NTN1: variants seen among roughly 807,000 people sequenced by gnomAD.
NTN1 encodes the protein netrin 1, also known as netrin-1.
NTN1 carries 11 observed loss-of-function variants against 54.2 expected under a neutral mutation model. The observed-to-expected ratio is 0.20, with a 90% CI of 0.13 to 0.34. The LOEUF is 0.34. Ranked by LOEUF, NTN1 falls within the 10% of genes least tolerant of loss-of-function variation. NTN1 has a pLI of 1.00. For missense variants in NTN1, 740 were observed against 893.1 expected (o/e 0.83, Z 2.18); for synonymous variants, 371 against 382.0 (o/e 0.97, Z 0.33).
intron 6 of NTN1, among the ~76,000 whole-genome samples, chr17:9,225,595 TGTGTAAGGGG>T (rs1905508305): frequency 6.6e-6 from 1 of 151,894 alleles, no homozygotes; most frequent in African/African-American, 2.4e-5. Context: ...CCTGAGAAGG[TGTGTAAGGGG>T]GTGTCCCTCC....
At chr17:9,061,034 A>G (rs1205951949) in intron 2 of NTN1, among the ~76,000 whole-genome samples, 6 of 152,066 alleles carry the variant, frequency 3.9e-5, no homozygotes, top group Non-Finnish European at 7.4e-5. Context: ...TTTAAAAAGC[A>G]TGAAGTTGAA....
chr17:9,034,333 T>C (rs1597464514), intron 2 of NTN1, among the ~76,000 whole-genome samples: 1 of 152,174 alleles, frequency 6.6e-6, no homozygotes, highest in Non-Finnish European at 1.5e-5. Flanking sequence ...TAGCCTTTAT[T>C]ATCACCATGT....
At chr17:9,180,123 C>T (rs2092414356) in intron 4 of NTN1, among the ~76,000 whole-genome samples, 167 bp downstream of exon 4, 1 of 152,268 alleles carries the variant, frequency 6.6e-6, no homozygotes, top group Non-Finnish European at 1.5e-5. Flanking sequence ...ACTGCAACCT[C>T]TGCCTCCCAG....
At chr17:9,143,310 A>G (rs1394282723) in intron 2 of NTN1, among the ~76,000 whole-genome samples, 6 of 152,216 alleles carry the variant, frequency 3.9e-5, no homozygotes, top group Non-Finnish European at 7.3e-5. Context: ...GCTGGGAGGC[A>G]TGAGCCTGGG....
chr17:9,114,700 G>A lies in NTN1; in HGVS notation c.1019-48113G>A, dbSNP rs182112317. Among the ~76,000 whole-genome samples the A allele has an allele frequency of 6.0e-4, 92 of 152,326 alleles. 2 individuals carry two copies. Among genetic ancestry groups the A allele is most frequent in the African/African-American group, 2.0e-3 (84 of 41,574 alleles). ...ACCCGGGAAGAGGAGGTTGCAGCGA[G>A]CCGAGATTGTGCCGCTGCACTCCAG... On this transcript the variant is annotated intron_variant, in intron 2 of 6. Coordinates refer to ENST00000173229, the MANE Select transcript of NTN1 (RefSeq NM_004822.3).
At chr17:9,082,346 C>A (rs1019945920) in intron 2 of NTN1, among the ~76,000 whole-genome samples, 1 of 152,236 alleles carries the variant, frequency 6.6e-6, no homozygotes. Context: ...CAGGCATGAG[C>A]CTCCACGCCT....
intron 3 of NTN1, among the ~76,000 whole-genome samples, chr17:9,178,267 T>G (rs2092406818): frequency 6.6e-6 from 1 of 152,218 alleles, no homozygotes; most frequent in Non-Finnish European, 1.5e-5. Flanking sequence ...AGCAGTTCCA[T>G]CAGCCTACAG....
At chr17:9,215,270 C>CAT (rs1567741075) in intron 5 of NTN1, among the ~76,000 whole-genome samples, 1 of 147,650 alleles carries the variant, frequency 6.8e-6, no homozygotes, top group Non-Finnish European at 1.5e-5. Flanking sequence ...CACACACACA[C>CAT]ACACACACAC....
intron 2 of NTN1, among the ~76,000 whole-genome samples, chr17:9,097,308 G>T (rs181246754): frequency 6.6e-5 from 10 of 152,146 alleles, no homozygotes; most frequent in African/African-American, 2.4e-4. Flanking sequence ...ATTAAATGCA[G>T]TGTGCTTCTA....
At chr17:9,094,190 C>G (rs920504461) in intron 2 of NTN1, among the ~76,000 whole-genome samples, 12 of 152,174 alleles carry the variant, frequency 7.9e-5, no homozygotes, top group African/African-American at 2.7e-4. Flanking sequence ...TCTTGACTCT[C>G]TTGCTGCAAC....
At chr17:9,033,917 C>CAAAAAAAA (rs58699789) in intron 2 of NTN1, among the ~76,000 whole-genome samples, 5 of 106,294 alleles carry the variant, frequency 4.7e-5, no homozygotes, top group African/African-American at 6.9e-5. Flanking sequence ...AACTCTGTCT[C>CAAAAAAAA]AAAAAAAAAA....
intron 2 of NTN1, among the ~76,000 whole-genome samples, chr17:9,046,071 T>G (rs927584233): frequency 2.0e-5 from 3 of 152,204 alleles, no homozygotes; most frequent in Non-Finnish European, 4.4e-5. Flanking sequence ...AATTTAAAAC[T>G]TGTGCTTCAA....
chr17:9,087,193 C>A (rs1169314572), intron 2 of NTN1, among the ~76,000 whole-genome samples: 1 of 152,090 alleles, frequency 6.6e-6, no homozygotes, highest in African/African-American at 2.4e-5. Context: ...AGTTTGCCAA[C>A]CACCCTAGAA....
chr17:9,158,290 C>T (rs1228718697), intron 2 of NTN1, among the ~76,000 whole-genome samples: 2 of 152,162 alleles, frequency 1.3e-5, no homozygotes, highest in South Asian at 2.1e-4. Flanking sequence ...CCAGCTTCCT[C>T]CTGGGGTGGG....
At chr17:9,189,045 C>A (rs1006791534) in intron 5 of NTN1, among the ~76,000 whole-genome samples, 7 of 152,176 alleles carry the variant, frequency 4.6e-5, no homozygotes, top group African/African-American at 1.4e-4. Flanking sequence ...TTAGACCAGA[C>A]CCAGAATAAA....
intron 2 of NTN1, among the ~76,000 whole-genome samples, chr17:9,133,042 G>A (rs2092270468): frequency 6.6e-6 from 1 of 151,986 alleles, no homozygotes; most frequent in Non-Finnish European, 1.5e-5. Flanking sequence ...CACAACCTGG[G>A]ATGAGGTCTC....
At chr17:9,010,436 T>C in the NTN1 span, among the ~76,000 whole-genome samples, 2 of 152,268 alleles carry the variant, frequency 1.3e-5, no homozygotes, top group East Asian at 3.9e-4. Context: ...CTCAGTGTTG[T>C]GGGGAGGGAA....
intron 3 of NTN1, chr17:9,173,723 A>G (rs1363801130): frequency 6.6e-6 from 1 of 152,314 alleles, no homozygotes; most frequent in Non-Finnish European, 1.5e-5. Context: ...TTGGAGTCAC[A>G]TGGAGCCTCA....
At chr17:9,056,694 C>T (rs371876822) in intron 2 of NTN1, among the ~76,000 whole-genome samples, 6 of 152,170 alleles carry the variant, frequency 3.9e-5, no homozygotes, top group East Asian at 1.9e-4. Flanking sequence ...CTATGAGCAC[C>T]GTCCAGAATG....
Sources: gnomAD v4.1 joint callset for allele counts (sites outside exome capture counted in the v4.1 genomes callset) on GRCh38, gnomAD v4.1.1 for gene constraint, MANE v1.5 for transcripts, NCBI Gene and HGNC (gene_info 2026-07-23, HGNC 2026-07-21) for gene names.